Variants in SOCS4 observed in about 807,000 individuals in gnomAD.
The protein encoded by SOCS4 is suppressor of cytokine signaling 4.
A neutral mutation model predicts 34.1 loss-of-function variants in SOCS4; 20 were observed. The observed-to-expected ratio is 0.59, with a 90% confidence interval of 0.41 to 0.85. SOCS4 has a LOEUF of 0.85. Among genes scored for constraint, SOCS4 ranks in the 40% least tolerant of loss-of-function variants. The pLI is 0.00. For synonymous variants in SOCS4, 180 were observed against 186.4 expected (o/e 0.97, Z 0.28); for missense variants, 479 against 532.4 (o/e 0.90, Z 0.99).
At position 55,041,783 on chromosome 14, in the gene SOCS4, C is replaced by CTTTTTTTTTTTTTTTTTTTTTTTTTTTTT. The variant is rs35998700; in HGVS notation, c.-90-1143_-90-1142insTTTTTTTTTTTTTTTTTTTTTTTTTTTTT. Among the ~76,000 whole-genome samples the CTTTTTTTTTTTTTTTTTTTTTTTTTTTTT allele has an allele frequency of 5.0e-4, 20 of 40,080 alleles. 3 individuals carry two copies. Among genetic ancestry groups the CTTTTTTTTTTTTTTTTTTTTTTTTTTTTT allele is most frequent in the South Asian group, 1.8e-3 (1 of 548 alleles). 26.3% of individuals were successfully genotyped at this position (40,080 alleles called of 152,430 possible). A position where few individuals can be genotyped will look rare whatever the true frequency, so the allele number is the denominator to read the frequency against. ...CCACCGTGCCCAGCCAACCCTTAAT[C>CTTTTTTTTTTTTTTTTTTTTTTTTTTTTT]TTTTTTTTTTTTTTTTTTTTTTTTT... On this transcript the variant is annotated intron_variant, in intron 2 of 2. Coordinates refer to ENST00000555846, the MANE Select transcript of SOCS4 (RefSeq NM_199421.2).
intron 2 of SOCS4, among the ~76,000 whole-genome samples, chr14:55,041,642 T>C (rs2140247935): frequency 6.6e-6 from 1 of 151,450 alleles, no homozygotes; most frequent in East Asian, 1.9e-4. Context: ...GCCTGGCTAA[T>C]TTTTGTATTT....
chr14:55,034,851 C>G (rs1384683189), intron 2 of SOCS4, among the ~76,000 whole-genome samples: 3 of 148,798 alleles, frequency 2.0e-5, no homozygotes, highest in Non-Finnish European at 4.5e-5. Flanking sequence ...TGCATTAACT[C>G]TCTCTCTGTT....
intron 2 of SOCS4, among the ~76,000 whole-genome samples, chr14:55,035,471 C>T (rs1380374181): frequency 2.6e-5 from 4 of 152,142 alleles, no homozygotes; most frequent in Non-Finnish European, 5.9e-5. Flanking sequence ...TAGTTTTCCT[C>T]CTGAAAATTA....
At position 55,043,681 on chromosome 14, in the gene SOCS4, G is replaced by C. The variant is rs2042643457; in HGVS notation, c.640G>C (p.Val214Leu). 1.2e-6 allele frequency: 2 copies of C among 1,614,034 alleles called. No individual in the cohort carries two copies. Among genetic ancestry groups the C allele is most frequent in the African/African-American group, 2.7e-5 (2 of 74,922 alleles). The change falls in exon 3 of 3, where the codon GTG (valine) becomes CTG (leucine). Residue 214 changes from valine (V) to leucine (L), a missense_variant. Transcript: ENST00000555846. Reference sequence around the variant, plus strand: ...TAGAGAAGGTCCTATGACTGGCTCTGTGATGAACCTGGTTTCAAATAACAG... The same window carrying C: ...TAGAGAAGGTCCTATGACTGGCTCTCTGATGAACCTGGTTTCAAATAACAG... ...LCREGPMTGS[V>L]MNLVSNNSIE...
chr14:55,038,646 A>G (rs1034497724), intron 2 of SOCS4, among the ~76,000 whole-genome samples: 1 of 152,138 alleles, frequency 6.6e-6, no homozygotes, highest in African/African-American at 2.4e-5. Context: ...TGTGTCTGGT[A>G]TTTAAAGTCC....
In SOCS4 at chr14:55,043,140, T is replaced by G; in HGVS notation, c.99T>G (p.Ser33Arg). ...ACAGAAAAGACGGTTATGTGTGGAG[T>G]GGAAAGAAGTTATCTTGGTCAAAAA... ...SADRKDGYVW[S>R]GKKLSWSKKS... Residue 33 changes from serine to arginine, a missense_variant, in exon 3 of 3, where the codon AGT becomes AGG. Coordinates refer to ENST00000555846, the MANE Select transcript of SOCS4 (RefSeq NM_199421.2). 10 of 1,613,922 alleles carry G rather than the reference T, an allele frequency of 6.2e-6. No homozygotes were observed. The highest frequency in any genetic ancestry group is 1.6e-4 in the Middle Eastern group (1 of 6,062).
At position 55,044,403 on chromosome 14, in the gene SOCS4, T is replaced by G. The variant is rs2042655457; in HGVS notation, c.*39T>G. 6.9e-6 allele frequency: 9 copies of G among 1,309,810 alleles called. No individual in the cohort carries two copies. The highest frequency in any genetic ancestry group is 8.8e-6 in the Non-Finnish European group (9 of 1,017,300). 81.1% of individuals were successfully genotyped at this position (1,309,810 alleles called of 1,614,324 possible). On this transcript the variant is annotated 3_prime_UTR_variant, in exon 3 of 3. Transcript: ENST00000555846. The stretch of plus-strand genomic sequence containing the variant: ...ACATGGGAATGATAATATATATTTT[T>G]TCTTTTAATATTTTATTTTTCTTTT...
At chr14:55,040,752 A>G (rs951404950) in intron 2 of SOCS4, among the ~76,000 whole-genome samples, 12 of 152,116 alleles carry the variant, frequency 7.9e-5, no homozygotes, top group Non-Finnish European at 1.6e-4. Flanking sequence ...TCAAAAAAAA[A>G]AGAGAGTTAT....
intron 1 of SOCS4, among the ~76,000 whole-genome samples, chr14:55,029,184 A>G (rs956752535): frequency 3.3e-5 from 5 of 152,242 alleles, no homozygotes; most frequent in Admixed American, 2.6e-4. Flanking sequence ...CATTCAAACA[A>G]TATGATCAAG....
intron 1 of SOCS4, among the ~76,000 whole-genome samples, chr14:55,031,385 A>G (rs1187874): frequency 0.75 from 113,344 of 152,048 alleles, 42,719 homozygotes; most frequent in South Asian, 0.87. Context: ...AAAAGGATTT[A>G]TGGCAAAGTA....
At position 55,046,729 on chromosome 14, in the gene SOCS4, G is replaced by T. The variant is rs903447155; in HGVS notation, c.*2365G>T. ...GGAGGAGATTCATTGACTCTGAAAT[G>T]ATTTTTATTTTTCCTTTGGTATTTG... On this transcript the variant is annotated 3_prime_UTR_variant, in exon 3 of 3. Coordinates refer to ENST00000555846, the MANE Select transcript of SOCS4 (RefSeq NM_199421.2). The T allele has an allele frequency of 1.2e-3, 194 of 167,062 alleles. 1 individual carries two copies. The highest frequency in any genetic ancestry group is 1.9e-4 in the Non-Finnish European group (13 of 68,036). The allele number at this position is 167,062 out of a possible 1,614,324, so 10.3% of individuals were successfully genotyped here.
Position 55,047,528 on chromosome 14 carries a change from G to A in SOCS4, c.*3164G>A, listed in dbSNP as rs958097984. ...TTTAATTTAAAGGAAGACCTAATAG[G>A]AAGAAGATTAAAGGAAGCTTTTAGT... On this transcript the variant is annotated 3_prime_UTR_variant, in exon 3 of 3. Coordinates refer to ENST00000555846, the MANE Select transcript of SOCS4 (RefSeq NM_199421.2). The A allele has an allele frequency of 6.0e-6, 1 of 167,026 alleles. No individual in the cohort carries two copies. Among genetic ancestry groups the A allele is most frequent in the African/African-American group, 2.4e-5 (1 of 41,430 alleles). The allele number at this position is 167,026 out of a possible 1,614,324, so 10.3% of individuals were successfully genotyped here. A position where few individuals can be genotyped will look rare whatever the true frequency, so the allele number is the denominator to read the frequency against.
At position 55,040,743 on chromosome 14, in the gene SOCS4, C is replaced by CA. The variant is rs1025491013; in HGVS notation, c.-90-2199dup. On this transcript the variant is annotated intron_variant, in intron 2 of 2. Transcript: ENST00000555846. ...TGGGCGACAGAGCGAGACTCCATCT[C>CA]AAAAAAAAAAGAGAGTTATTATACT... 1.9e-3 allele frequency among the ~76,000 whole-genome samples: 270 copies of CA among 143,928 alleles called. 1 individual carries two copies. The highest frequency in any genetic ancestry group is 7.0e-3 in the Middle Eastern group (2 of 286). 94.4% of individuals were successfully genotyped at this position (143,928 alleles called of 152,430 possible). A position where few individuals can be genotyped will look rare whatever the true frequency, so the allele number is the denominator to read the frequency against.
At chr14:55,032,306 A>T (rs2042535570) in intron 2 of SOCS4, among the ~76,000 whole-genome samples, 1 of 152,198 alleles carries the variant, frequency 6.6e-6, no homozygotes, top group African/African-American at 2.4e-5. Flanking sequence ...AGAAATTTTG[A>T]ATTAAAATCA....
intron 1 of SOCS4, among the ~76,000 whole-genome samples, chr14:55,029,749 C>G (rs1416599955): frequency 6.6e-6 from 1 of 152,130 alleles, no homozygotes; most frequent in Admixed American, 6.5e-5. Context: ...ATTGAAGGCA[C>G]TTTAGAAATG....
chr14:55,028,040 T>C (rs2042485235), intron 1 of SOCS4, among the ~76,000 whole-genome samples: 1 of 152,254 alleles, frequency 6.6e-6, no homozygotes, highest in African/African-American at 2.4e-5. Flanking sequence ...CAGAATGATA[T>C]TCTTTCATTT....
intron 2 of SOCS4, among the ~76,000 whole-genome samples, chr14:55,033,570 T>G (rs1373176743): frequency 6.6e-6 from 1 of 152,248 alleles, no homozygotes; most frequent in Non-Finnish European, 1.5e-5. Flanking sequence ...TAAATGTATG[T>G]GTTTTTAAAA....
chr14:55,028,897 C>T (rs759782184), intron 1 of SOCS4, among the ~76,000 whole-genome samples: 47 of 152,058 alleles, frequency 3.1e-4, no homozygotes, highest in Non-Finnish European at 5.4e-4. Flanking sequence ...CACCTACCTC[C>T]GTCGCATTGT....
At chr14:55,034,701 T>G (rs1385769716) in intron 2 of SOCS4, among the ~76,000 whole-genome samples, 1 of 151,748 alleles carries the variant, frequency 6.6e-6, no homozygotes, top group Non-Finnish European at 1.5e-5. Flanking sequence ...CCAGGCGCGG[T>G]GGCAGGTGCC....
Sources: allele counts gnomAD v4.1 joint callset (sites outside exome capture counted in the v4.1 genomes callset), GRCh38; gene constraint gnomAD v4.1.1; transcripts MANE v1.5; gene names NCBI Gene and HGNC (gene_info 2026-07-23, HGNC 2026-07-21).